The following SLC35F4 variants were observed in gnomAD, a reference collection of about 807,000 sequenced individuals.
The protein encoded by SLC35F4 is chromosome 14 open reading frame 36.
SLC35F4 carries 24 observed loss-of-function variants against 44.2 expected under a neutral mutation model. The ratio of observed to expected loss-of-function variants is 0.54; its 90% CI spans 0.39 to 0.76. The LOEUF (loss-of-function observed/expected upper bound fraction) is 0.76. Ranked by LOEUF, SLC35F4 falls within the 30% of genes least tolerant of loss-of-function variation. The pLI, the probability that SLC35F4 is intolerant of heterozygous loss-of-function variation, is 0.00. For synonymous variants in SLC35F4, 238 were observed against 223.6 expected (o/e 1.06, Z -0.57); for missense variants, 562 against 586.1 (o/e 0.96, Z 0.42).
At chr14:57,959,515 A>AT (rs1411306268) in intron 1 of SLC35F4, among the ~76,000 whole-genome samples, 2 of 152,192 alleles carry the variant, frequency 1.3e-5, no homozygotes, top group African/African-American at 2.4e-5. Flanking sequence ...ACAGTCAGAA[A>AT]TTAACATCAG....
At chr14:57,855,480 C>A (rs1379388723) in intron 1 of SLC35F4, among the ~76,000 whole-genome samples, 1 of 152,134 alleles carries the variant, frequency 6.6e-6, no homozygotes, top group South Asian at 2.1e-4. Flanking sequence ...AAATCAAAAC[C>A]ACAATGAGAT....
intron 1 of SLC35F4, among the ~76,000 whole-genome samples, chr14:57,834,418 G>A (rs1455561740): frequency 1.3e-5 from 2 of 152,176 alleles, no homozygotes; most frequent in Non-Finnish European, 2.9e-5. Flanking sequence ...TGCAAATAGT[G>A]TAAAATCTTA....
intron 1 of SLC35F4, among the ~76,000 whole-genome samples, chr14:57,779,159 G>A (rs1006012128): frequency 1.2e-4 from 18 of 151,958 alleles, no homozygotes; most frequent in Non-Finnish European, 2.9e-5. Context: ...GAAGGAGATT[G>A]GGACACAAAA....
intron 1 of SLC35F4, among the ~76,000 whole-genome samples, chr14:57,597,906 G>A (rs2070589420): frequency 6.6e-6 from 1 of 152,092 alleles, no homozygotes; most frequent in African/African-American, 2.4e-5. Context: ...AGTATACAGT[G>A]GCTAAGAAAC....
At chr14:57,646,615 A>G (rs917551886) in intron 1 of SLC35F4, among the ~76,000 whole-genome samples, 3 of 151,698 alleles carry the variant, frequency 2.0e-5, no homozygotes, top group Admixed American at 2.0e-4. Context: ...TTGTGTCTCT[A>G]TTTCCTTCAG....
chr14:57,950,675 C>CTTTTTTTTTTTTTTTTTTTTTTTTTT (rs59027196), intron 1 of SLC35F4, among the ~76,000 whole-genome samples: 1 of 127,212 alleles, frequency 7.9e-6, no homozygotes, highest in African/African-American at 3.2e-5. Flanking sequence ...TTCTTTCTTT[C>CTTTTTTTTTTTTTTTTTTTTTTTTTT]TTTTTTTTTT....
rs537760206 is a variant in SLC35F4 at position 57,768,805 on chromosome 14, C to T, written c.103+96918G>A. On this transcript the variant is annotated intron_variant, in intron 1 of 7. Coordinates refer to ENST00000556826, the MANE Select transcript of SLC35F4 (RefSeq NM_001306087.2). The stretch of plus-strand genomic sequence containing the variant: ...TCTTGCTCGGTCGCCCAGGCTAGAG[C>T]GCAGTAGCGCAATCTCGGCTCACTA... Among the ~76,000 whole-genome samples, 9 of 151,926 alleles carry T rather than the reference C, an allele frequency of 5.9e-5. No individual in the cohort carries two copies. In the South Asian group the frequency reaches 1.7e-3, roughly 28 times the overall value.
chr14:57,802,224 A>G (rs895865705), intron 1 of SLC35F4, among the ~76,000 whole-genome samples: 1 of 152,214 alleles, frequency 6.6e-6, no homozygotes, highest in Non-Finnish European at 1.5e-5. Flanking sequence ...CTACTCCTGA[A>G]TGATTCTTGG....
intron 1 of SLC35F4, among the ~76,000 whole-genome samples, chr14:57,914,613 CAAT>C (rs2141053698): frequency 1.3e-5 from 2 of 152,084 alleles, no homozygotes; most frequent in East Asian, 3.9e-4. Flanking sequence ...CCCACTCCAG[CAAT>C]AATGGCACTA....
intron 7 of SLC35F4, among the ~76,000 whole-genome samples, chr14:57,564,731 T>G (rs959529596): frequency 6.6e-6 from 1 of 152,338 alleles, no homozygotes. Flanking sequence ...CTGTTCTTTT[T>G]AAAAATTTAA....
rs115252927 is a variant in SLC35F4 at position 57,593,653 on chromosome 14, T to C, written c.289+286A>G. Among the ~76,000 whole-genome samples, 696 of 152,350 alleles carry C rather than the reference T, an allele frequency of 4.6e-3. 1 individual carries two copies. The highest frequency in any genetic ancestry group is 0.017 in the Middle Eastern group (5 of 294). ...ATGCAGGGTTTTGATATTTTGAAGA[T>C]GAGAAAACTACCTACCTTGTAAACT... On this transcript the variant is annotated intron_variant, in intron 2 of 7. Transcript: ENST00000556826.
Position 57,982,034 on chromosome 14 carries a change from G to A in SLC35F4, n.30C>T, listed in dbSNP as rs555456059. On this transcript the variant is annotated non_coding_transcript_exon_variant, in exon 1 of 2. Transcript: ENST00000554648. ...GTCAATCATTCTGAGTCCTTAATTA[G>A]GACTCTTCCAAGGAGACTCTGACAT... The A allele has an allele frequency of 4.6e-5, 7 of 152,150 alleles. No homozygotes were observed. In the South Asian group the frequency reaches 1.5e-3, roughly 32 times the overall value. 9.4% of individuals were successfully genotyped at this position (152,150 alleles called of 1,614,324 possible). A position where few individuals can be genotyped will look rare whatever the true frequency, so the allele number is the denominator to read the frequency against.
intron 1 of SLC35F4, among the ~76,000 whole-genome samples, chr14:57,966,741 G>A (rs1890445770): frequency 6.6e-6 from 1 of 152,194 alleles, no homozygotes; most frequent in African/African-American, 2.4e-5. Flanking sequence ...TAGGTGCAGT[G>A]GTACACGCCT....
Position 57,603,512 on chromosome 14 carries a change from T to C in SLC35F4, c.104-9388A>G, listed in dbSNP as rs115373088. Among the ~76,000 whole-genome samples, 647 of 152,274 alleles carry C rather than the reference T, an allele frequency of 4.2e-3. 3 individuals are homozygous for C. Among genetic ancestry groups the C allele is most frequent in the African/African-American group, 0.015 (631 of 41,550 alleles). On this transcript the variant is annotated intron_variant, in intron 1 of 7. Coordinates refer to ENST00000556826, the MANE Select transcript of SLC35F4 (RefSeq NM_001306087.2). ...AAATAATTCTGCTTGCTCTTGGCAA[T>C]AAGGTGTAGGTATGACTTGGTTTCA... is the stretch of plus-strand genomic sequence containing the variant.
chr14:57,754,285 A>C (rs1047146025), intron 1 of SLC35F4, among the ~76,000 whole-genome samples: 1 of 151,624 alleles, frequency 6.6e-6, no homozygotes, highest in Non-Finnish European at 1.5e-5. Context: ...TTGTATTTTT[A>C]GTAGAGATGG....
intron 1 of SLC35F4, among the ~76,000 whole-genome samples, chr14:57,718,865 T>G (rs1372882732): frequency 6.6e-6 from 1 of 152,188 alleles, no homozygotes; most frequent in Admixed American, 6.5e-5. Context: ...ATTTGTCTAT[T>G]TTTGCTTTGG....
chr14:57,600,488 C>T (rs896980826), intron 1 of SLC35F4, among the ~76,000 whole-genome samples: 1 of 150,240 alleles, frequency 6.7e-6, no homozygotes, highest in Admixed American at 6.6e-5. Flanking sequence ...GTCAGGAGAT[C>T]GAGACCATCC....
At chr14:57,759,399 G>A in intron 1 of SLC35F4, among the ~76,000 whole-genome samples, 1 of 151,946 alleles carries the variant, frequency 6.6e-6, no homozygotes, top group Non-Finnish European at 1.5e-5. Context: ...GGACAACATG[G>A]TGAAACCCCA....
At chr14:57,789,732 TG>T (rs1566856024) in intron 1 of SLC35F4, among the ~76,000 whole-genome samples, 2 of 152,148 alleles carry the variant, frequency 1.3e-5, no homozygotes, top group Non-Finnish European at 2.9e-5. Flanking sequence ...TGAATATCAA[TG>T]TGAAAATTCT....
Sources: gnomAD v4.1 joint callset for allele counts (sites outside exome capture counted in the v4.1 genomes callset) on GRCh38, gnomAD v4.1.1 for gene constraint, MANE v1.5 for transcripts, NCBI Gene and HGNC (gene_info 2026-07-23, HGNC 2026-07-21) for gene names.